FUT8: variants seen among roughly 807,000 people sequenced by gnomAD.
FUT8 encodes fucosyltransferase 8.
A neutral mutation model predicts 71.3 loss-of-function variants in FUT8; 29 were observed. The observed-to-expected ratio is 0.41, with a 90% CI of 0.30 to 0.55. The LOEUF (loss-of-function observed/expected upper bound fraction) is 0.55, where lower values mean the gene tolerates loss of function less well. FUT8 is among the 20% of genes least tolerant of loss of function. The pLI is 0.34. For missense variants in FUT8, 544 were observed against 702.1 expected (o/e 0.77, Z 2.55); for synonymous variants, 254 against 239.3 (o/e 1.06, Z -0.57).
chr14:65,442,004 G>C (rs929035655), intron 1 of FUT8, among the ~76,000 whole-genome samples: 1 of 151,804 alleles, frequency 6.6e-6, no homozygotes, highest in African/African-American at 2.4e-5. Context: ...GGGTCCAGTT[G>C]TTCTCATTGT....
intron 3 of FUT8, among the ~76,000 whole-genome samples, chr14:65,609,143 A>G (rs956019192): frequency 1.3e-5 from 2 of 151,654 alleles, no homozygotes; most frequent in African/African-American, 4.8e-5. Flanking sequence ...AAAAATATAA[A>G]AATTAGCCGG....
chr14:65,431,854 C>T (rs2065481986), intron 1 of FUT8, among the ~76,000 whole-genome samples: 1 of 152,026 alleles, frequency 6.6e-6, no homozygotes, highest in African/African-American at 2.4e-5. Context: ...TTAATTAACT[C>T]TTTTATCATT....
intron 9 of FUT8, among the ~76,000 whole-genome samples, chr14:65,729,034 G>GTTTTTTT (rs557668131): frequency 6.4e-4 from 66 of 103,672 alleles, no homozygotes; most frequent in African/African-American, 9.3e-4. Flanking sequence ...TTGTAAACAT[G>GTTTTTTT]TTTTTTTTTT....
chr14:65,618,916 T>C (rs1889453297), intron 5 of FUT8, among the ~76,000 whole-genome samples: 1 of 152,176 alleles, frequency 6.6e-6, no homozygotes, highest in Admixed American at 6.5e-5. Flanking sequence ...GGTTAGAAGA[T>C]TATTAGCAGA....
intron 2 of FUT8, among the ~76,000 whole-genome samples, chr14:65,487,577 A>AC (rs1555364883): frequency 6.6e-6 from 1 of 151,928 alleles, no homozygotes; most frequent in Admixed American, 6.6e-5. Context: ...AAAAAAAAAA[A>AC]AAAAAAAACT....
At chr14:65,580,821 CCTT>C (rs1158979029) in intron 3 of FUT8, among the ~76,000 whole-genome samples, 1 of 152,046 alleles carries the variant, frequency 6.6e-6, no homozygotes, top group African/African-American at 2.4e-5. Context: ...ATTTGATCAT[CCTT>C]CTGTTCAGGC....
chr14:65,464,529 C>G (rs1055460096), intron 2 of FUT8, among the ~76,000 whole-genome samples: 1 of 151,856 alleles, frequency 6.6e-6, no homozygotes, highest in Non-Finnish European at 1.5e-5. Context: ...GGAGGAAATC[C>G]TCCTCTATTT....
chr14:65,447,229 C>T (rs10467734), intron 1 of FUT8, among the ~76,000 whole-genome samples: 125,124 of 150,656 alleles, frequency 0.83, 52,197 homozygotes, highest in East Asian at 1. Flanking sequence ...GAGGCAGAGG[C>T]TGTAGTGAGC....
At chr14:65,646,104 A>G (rs1891113984) in intron 6 of FUT8, 1 of 152,184 alleles carries the variant, frequency 6.6e-6, no homozygotes, top group African/African-American at 2.4e-5. Context: ...GAAATTTTAC[A>G]AAAACACATC....
intron 2 of FUT8, among the ~76,000 whole-genome samples, chr14:65,535,330 G>T (rs934215522): frequency 6.6e-6 from 1 of 151,850 alleles, no homozygotes; most frequent in Non-Finnish European, 1.5e-5. Context: ...CGAACTCCTG[G>T]CCTCAAGTGA....
At chr14:65,406,729 A>G (rs2152374), upstream of FUT8, among the ~76,000 whole-genome samples, 106,679 of 151,994 alleles carry the variant, frequency 0.7, 37,733 homozygotes, top group East Asian at 0.9. Context: ...GTAGAGACAG[A>G]GTTTCACCAT....
chr14:65,579,081 T>A (rs908178686), intron 3 of FUT8, among the ~76,000 whole-genome samples: 1 of 151,984 alleles, frequency 6.6e-6, no homozygotes, highest in Non-Finnish European at 1.5e-5. Context: ...ATTCTCAGTT[T>A]TACTTAATAG....
the FUT8 span, among the ~76,000 whole-genome samples, chr14:65,360,335 G>C: frequency 1.3e-5 from 2 of 152,200 alleles, no homozygotes; most frequent in Non-Finnish European, 2.9e-5. Context: ...ACTCACAGCA[G>C]GTGTTTCTGC....
chr14:65,600,082 G>T (rs187390306), intron 3 of FUT8, among the ~76,000 whole-genome samples: 20 of 152,256 alleles, frequency 1.3e-4, no homozygotes, highest in Admixed American at 7.2e-4. Flanking sequence ...GATTAGTATT[G>T]TACACTTTAG....
the FUT8 span, among the ~76,000 whole-genome samples, chr14:65,392,711 A>T: frequency 6.6e-6 from 1 of 152,188 alleles, no homozygotes; most frequent in Admixed American, 6.5e-5. Context: ...CAAGGAGAAA[A>T]ATGTTACTTA....
the FUT8 span, among the ~76,000 whole-genome samples, chr14:65,362,249 G>A: frequency 6.6e-6 from 1 of 152,312 alleles, no homozygotes; most frequent in South Asian, 2.1e-4. Flanking sequence ...GTCAACAATT[G>A]TTCCCTCTAC....
chr14:65,546,403 C>T (rs545150144), intron 2 of FUT8, among the ~76,000 whole-genome samples: 5 of 151,644 alleles, frequency 3.3e-5, no homozygotes, highest in East Asian at 1.9e-4. Flanking sequence ...ATTTATTGGC[C>T]GAAAATAGAG....
At chr14:65,598,617 A>G (rs1242553856) in intron 3 of FUT8, among the ~76,000 whole-genome samples, 2 of 152,166 alleles carry the variant, frequency 1.3e-5, no homozygotes, top group Non-Finnish European at 1.5e-5. Context: ...GTTTTTTGAT[A>G]GAGATCTTTT....
intron 10 of FUT8, among the ~76,000 whole-genome samples, chr14:65,736,005 T>C (rs1877366684): frequency 1.3e-5 from 2 of 152,120 alleles, no homozygotes; most frequent in South Asian, 2.1e-4. Context: ...TGCCAAACCA[T>C]TGACCACTGA....
Sources: allele counts gnomAD v4.1 joint callset (sites outside exome capture counted in the v4.1 genomes callset), GRCh38; gene constraint gnomAD v4.1.1; transcripts MANE v1.5; gene names NCBI Gene and HGNC (gene_info 2026-07-23, HGNC 2026-07-21).